The following HERPUD1 variants were observed in gnomAD, a reference collection of about 807,000 sequenced individuals.
The protein encoded by HERPUD1 is homocysteine inducible ER protein with ubiquitin like domain 1.
A neutral mutation model predicts 45.0 loss-of-function variants in HERPUD1; 17 were observed. The observed-to-expected ratio is 0.38, with a 90% CI of 0.26 to 0.57. The LOEUF (loss-of-function observed/expected upper bound fraction) is 0.57. HERPUD1 is among the 20% of genes least tolerant of loss of function. The probability of loss-of-function intolerance (pLI) is 0.72; values close to 1 mark genes in which losing one functional copy is unlikely to be tolerated. For synonymous variants in HERPUD1, 164 were observed against 177.5 expected (o/e 0.92, Z 0.61); for missense variants, 420 against 490.5 (o/e 0.86, Z 1.36).
intron 1 of HERPUD1, chr16:56,933,132 C>G: frequency 5.1e-6 from 2 of 391,070 alleles, no homozygotes; most frequent in Non-Finnish European, 1.0e-5. Flanking sequence ...GCTGGCCCTT[C>G]CTGTATTTAC....
At chr16:56,936,471 G>C in intron 3 of HERPUD1, 1 of 321,048 alleles carries the variant, frequency 3.1e-6, no homozygotes, top group East Asian at 5.0e-5. Flanking sequence ...GCATACTCTA[G>C]GGAAAAAATA....
In HERPUD1 at chr16:56,932,295, C is replaced by T. The variant is rs775772569; in HGVS notation, c.51C>T (p.Pro17=). Residue 17 remains proline, a synonymous_variant, in exon 1 of 8, where the codon CCC becomes CCT. Coordinates refer to ENST00000439977, the MANE Select transcript of HERPUD1 (RefSeq NM_014685.4). ...CCGTCACGCTCCTGGTGAAGAGCCCCAACCAGCGCCACCGCGACTTGGAGC... is the reference window on the plus strand; with the variant it reads ...CCGTCACGCTCCTGGTGAAGAGCCCTAACCAGCGCCACCGCGACTTGGAGC... The part of the protein sequence containing the change: ...PEPVTLLVKS[P]NQRHRDLELS... 6.2e-7 allele frequency: 1 copy of T among 1,608,944 alleles called. No homozygotes were observed. The highest frequency in any genetic ancestry group is 8.5e-7 in the Non-Finnish European group (1 of 1,179,312).
At chr16:56,937,771 T>G (rs1375071029) in intron 4 of HERPUD1, among the ~76,000 whole-genome samples, 2 of 150,946 alleles carry the variant, frequency 1.3e-5, no homozygotes, top group Admixed American at 6.7e-5. Flanking sequence ...AAGCACTTTA[T>G]CATTTTATTT....
intron 5 of HERPUD1, among the ~76,000 whole-genome samples, 190 bp downstream of exon 5, chr16:56,939,549 G>A (rs247609): frequency 0.29 from 43,525 of 152,152 alleles, 6,337 homozygotes; most frequent in Middle Eastern, 0.41. Context: ...TTGACACAAG[G>A]GTGCTTTTGT....
rs373724410 is a variant in HERPUD1 at position 56,939,849 on chromosome 16, G to C, written c.555-46G>C. 1.7e-5 allele frequency: 24 copies of C among 1,443,916 alleles called. No individual in the cohort carries two copies. In the South Asian group the frequency reaches 2.6e-4, roughly 16 times the overall value. The allele number at this position is 1,443,916 out of a possible 1,614,324, so 89.4% of individuals were successfully genotyped here. A position where few individuals can be genotyped will look rare whatever the true frequency, so the allele number is the denominator to read the frequency against. ...TGTGTAAATAAGCCACAGACTTCACGGTGCTTTGGTCTCAACAGTATCTGC... is the reference window on the plus strand; with the variant it reads ...TGTGTAAATAAGCCACAGACTTCACCGTGCTTTGGTCTCAACAGTATCTGC... On this transcript the variant is annotated intron_variant, in intron 5 of 7. Transcript: ENST00000439977.
chr16:56,935,240 A>G lies in HERPUD1; in HGVS notation c.153A>G (p.Pro51=), dbSNP rs1389209684. The G allele has an allele frequency of 5.6e-6, 9 of 1,612,794 alleles. No individual in the cohort carries two copies. The highest frequency in any genetic ancestry group is 3.3e-5 in the Admixed American group (2 of 60,028). The change falls in exon 2 of 8, where the codon CCA becomes CCG. Residue 51 remains proline, a synonymous_variant. Coordinates refer to ENST00000439977, the MANE Select transcript of HERPUD1 (RefSeq NM_014685.4). ...LSRVYPERPR[P]EDQRLIYSGK... is the part of the protein sequence containing the mutation. ...CTCTTTCTTTCCATGATCAGCGTCC[A>G]GAGGACCAGAGGTTAATTTATTCTG...
intron 4 of HERPUD1, among the ~76,000 whole-genome samples, chr16:56,938,562 C>CA (rs35730351): frequency 0.012 from 1,582 of 136,030 alleles, 17 homozygotes; most frequent in African/African-American, 0.034. Flanking sequence ...GACTCCATCT[C>CA]AAAAAAAAAA....
In HERPUD1 at chr16:56,939,294, A is replaced by C; in HGVS notation, c.489A>C (p.Thr163=). The change falls in exon 5 of 8, where the codon ACA becomes ACC. Residue 163 remains threonine (T), a synonymous_variant. Transcript: ENST00000439977. ...QGLGPGFSGY[T]PYGWLQLSWF... ...TGGGTCCTGGTTTCTCCGGTTACAC[A>C]CCCTATGGGTGGCTTCAGCTTTCCT... 6.2e-7 allele frequency: 1 copy of C among 1,614,218 alleles called. No homozygotes were observed. Among genetic ancestry groups the C allele is most frequent in the Non-Finnish European group, 8.5e-7 (1 of 1,180,040 alleles).
Position 56,932,342 on chromosome 16 carries a change from G to C in HERPUD1, c.98G>C (p.Ser33Thr). Residue 33 changes from serine (S) to threonine (T), a missense_variant, in exon 1 of 8, where the codon AGT becomes ACT. By Grantham distance (58) the Ser-to-Thr change is moderately conservative (BLOSUM62 1). Transcript: ENST00000439977. Reference protein sequence around the residue: ...DLELSGDRGWSVGHLKAHLSR... With the variant: ...DLELSGDRGWTVGHLKAHLSR... ...GAGCTGAGTGGCGACCGCGGCTGGA[G>C]TGTGGGCCACCTCAAGGCCCACCTG... The C allele has an allele frequency of 6.2e-7, 1 of 1,602,274 alleles. No homozygotes were observed. Among genetic ancestry groups the C allele is most frequent in the East Asian group, 2.2e-5 (1 of 44,562 alleles).
intron 6 of HERPUD1, 101 bp downstream of exon 6, chr16:56,940,346 C>T: frequency 1.2e-6 from 1 of 813,180 alleles, no homozygotes; most frequent in Non-Finnish European, 2.0e-6. Context: ...TGGAGTCTCG[C>T]TCTGTCATTC....
rs1289309725 is a variant in HERPUD1 at position 56,939,445 on chromosome 16, T to C, written c.554+86T>C. On this transcript the variant is annotated intron_variant, in intron 5 of 7. Coordinates refer to ENST00000439977, the MANE Select transcript of HERPUD1 (RefSeq NM_014685.4). ...TCCATGTTACCTGTAAAGTTCAGAA[T>C]GGAGGGATGAGTGTATTTTCATCAG... 1.6e-5 allele frequency: 24 copies of C among 1,526,586 alleles called. No homozygotes were observed. In the African/African-American group the frequency reaches 3.0e-4, roughly 19 times the overall value. The allele number at this position is 1,526,586 out of a possible 1,614,324, so 94.6% of individuals were successfully genotyped here.
chr16:56,939,992 C>G lies in HERPUD1; in HGVS notation c.652C>G (p.Gln218Glu). 2 of 1,614,202 alleles carry G rather than the reference C, an allele frequency of 1.2e-6. No individual in the cohort carries two copies. The highest frequency in any genetic ancestry group is 1.7e-6 in the Non-Finnish European group (2 of 1,180,028). ...ACCTGCTCCAGCCCCTATTCACAAC[C>G]AGTTTCCAGCTGAAAACCAGCCTGC... ...SAPAPAPIHN[Q>E]FPAENQPANQ... Residue 218 changes from glutamine to glutamate, a missense_variant, in exon 6 of 8, where the codon CAG becomes GAG. Transcript: ENST00000439977.
chr16:56,943,403 T>G lies in HERPUD1; in HGVS notation c.*113T>G, dbSNP rs779760035. The G allele has an allele frequency of 1.2e-5, 14 of 1,209,834 alleles. No individual in the cohort carries two copies. In the South Asian group the frequency reaches 1.7e-4, roughly 15 times the overall value. The allele number at this position is 1,209,834 out of a possible 1,614,324, so 74.9% of individuals were successfully genotyped here. A position where few individuals can be genotyped will look rare whatever the true frequency, so the allele number is the denominator to read the frequency against. On this transcript the variant is annotated 3_prime_UTR_variant, in exon 8 of 8. Transcript: ENST00000439977. The stretch of plus-strand genomic sequence containing the variant: ...AATGATGAGTTTTTAAAAAACAGTG[T>G]GGATGATGATATGCTTTTGTGAGCA...
At chr16:56,940,926 C>G (rs1323208325) in intron 6 of HERPUD1, 1 of 151,704 alleles carries the variant, frequency 6.6e-6, no homozygotes, top group Non-Finnish European at 1.5e-5. Flanking sequence ...CCACTGCACT[C>G]CAGCCTGGGT....
intron 1 of HERPUD1, chr16:56,935,010 C>T (rs754739246): frequency 4.5e-5 from 22 of 484,888 alleles, no homozygotes; most frequent in Non-Finnish European, 7.6e-5. Flanking sequence ...CCATGCCCAG[C>T]CGATAATTTG....
chr16:56,939,143 T>C, intron 4 of HERPUD1, 94 bp from the exon 5 acceptor site: 1 of 1,405,710 alleles, frequency 7.1e-7, no homozygotes, highest in South Asian at 1.2e-5. Context: ...CTTCTGTCTC[T>C]TCGATTTGAA....
At chr16:56,941,141 T>C (rs2055906660) in intron 6 of HERPUD1, 1 of 139,442 alleles carries the variant, frequency 7.2e-6, no homozygotes, top group South Asian at 2.4e-4. Flanking sequence ...TACTGAGGCA[T>C]GGAACAGAAA....
chr16:56,933,576 C>T (rs2055843121), intron 1 of HERPUD1, among the ~76,000 whole-genome samples: 1 of 152,096 alleles, frequency 6.6e-6, no homozygotes, highest in South Asian at 2.1e-4. Context: ...TGAGGAATGC[C>T]GCTCCCATCT....
At chr16:56,942,078 G>A in intron 6 of HERPUD1, 54 bp from the exon 7 acceptor site, 1 of 1,425,232 alleles carries the variant, frequency 7.0e-7, no homozygotes, top group Non-Finnish European at 9.9e-7. Flanking sequence ...GGATTCTTGA[G>A]TAAGTCTCAC....
Sources: allele counts gnomAD v4.1 joint callset (sites outside exome capture counted in the v4.1 genomes callset), GRCh38; gene constraint gnomAD v4.1.1; transcripts MANE v1.5; gene names NCBI Gene and HGNC (gene_info 2026-07-23, HGNC 2026-07-21).